UVRAG: variants seen among roughly 807,000 people sequenced by gnomAD.
UVRAG encodes the protein UV radiation resistance-associated gene protein.
UVRAG carries 19 observed loss-of-function variants against 78.0 expected under a neutral mutation model. That is an observed-to-expected ratio of 0.24 (90% CI 0.17 to 0.36). The LOEUF is 0.36. Among genes scored for constraint, UVRAG ranks in the 10% least tolerant of loss-of-function variants. The pLI is 1.00. For missense variants in UVRAG, 740 were observed against 853.8 expected (o/e 0.87, Z 1.66); for synonymous variants, 323 against 324.6 (o/e 1.00, Z 0.05).
At chr11:75,893,494 A>G (rs990484662) in intron 5 of UVRAG, among the ~76,000 whole-genome samples, 1 of 152,046 alleles carries the variant, frequency 6.6e-6, no homozygotes, top group Admixed American at 6.5e-5. Flanking sequence ...CCAGCGAGAA[A>G]GGAAATATTA....
chr11:76,063,814 A>G (rs1306354623), intron 12 of UVRAG, among the ~76,000 whole-genome samples: 1 of 152,176 alleles, frequency 6.6e-6, no homozygotes, highest in Non-Finnish European at 1.5e-5. Flanking sequence ...ATTCTCCAAT[A>G]TAAGATTTGT....
At chr11:76,070,777 A>T (rs984555839) in intron 13 of UVRAG, among the ~76,000 whole-genome samples, 2 of 152,220 alleles carry the variant, frequency 1.3e-5, no homozygotes, top group South Asian at 4.1e-4. Flanking sequence ...CGTTCCATTT[A>T]TATAAGTATC....
intron 5 of UVRAG, among the ~76,000 whole-genome samples, chr11:75,905,598 C>T (rs906578906): frequency 1.3e-5 from 2 of 152,094 alleles, no homozygotes; most frequent in African/African-American, 2.4e-5. Context: ...GGTGTTGCAT[C>T]TACATGTAGG....
At chr11:76,073,836 G>A (rs751987682) in intron 13 of UVRAG, among the ~76,000 whole-genome samples, 8 of 152,092 alleles carry the variant, frequency 5.3e-5, no homozygotes, top group Non-Finnish European at 1.0e-4. Flanking sequence ...ATCTGAAAAA[G>A]CACTTAAAAT....
chr11:76,130,262 C>T (rs1952490659), intron 14 of UVRAG, among the ~76,000 whole-genome samples: 1 of 152,180 alleles, frequency 6.6e-6, no homozygotes, highest in Non-Finnish European at 1.5e-5. Context: ...GTGTCCTCTC[C>T]TGCATAGCTT....
intron 6 of UVRAG, among the ~76,000 whole-genome samples, chr11:75,936,261 CAGTA>C (rs1948371804): frequency 6.6e-6 from 1 of 152,172 alleles, no homozygotes; most frequent in African/African-American, 2.4e-5. Context: ...ACTTTGCAAT[CAGTA>C]AGTATTTGTG....
intron 1 of UVRAG, among the ~76,000 whole-genome samples, chr11:75,820,992 C>T (rs1945374383): frequency 6.6e-6 from 1 of 152,082 alleles, no homozygotes; most frequent in South Asian, 2.1e-4. Flanking sequence ...AATATAGTGG[C>T]ATTAAAAACA....
chr11:75,896,259 A>G (rs528457684), intron 5 of UVRAG, among the ~76,000 whole-genome samples: 1 of 152,258 alleles, frequency 6.6e-6, no homozygotes, highest in South Asian at 2.1e-4. Flanking sequence ...GGGGTTTTCT[A>G]GGTGGGTTTA....
chr11:75,907,588 A>C (rs2135011010), intron 5 of UVRAG, among the ~76,000 whole-genome samples: 1 of 151,824 alleles, frequency 6.6e-6, no homozygotes, highest in East Asian at 1.9e-4. Context: ...ATCATGGCTC[A>C]CTGTACCCTC....
At chr11:76,082,322 C>T (rs1449220075) in intron 13 of UVRAG, among the ~76,000 whole-genome samples, 3 of 151,936 alleles carry the variant, frequency 2.0e-5, no homozygotes, top group Admixed American at 6.6e-5. Context: ...GGGCAGATCA[C>T]GAGGTCAGGA....
At chr11:75,940,130 A>G (rs936148218) in intron 6 of UVRAG, among the ~76,000 whole-genome samples, 7 of 152,212 alleles carry the variant, frequency 4.6e-5, no homozygotes, top group Non-Finnish European at 8.8e-5. Flanking sequence ...TACAAAGAAG[A>G]AAGAAGACAG....
chr11:75,886,142 G>A (rs902583414), intron 4 of UVRAG, among the ~76,000 whole-genome samples: 2 of 152,108 alleles, frequency 1.3e-5, no homozygotes, highest in African/African-American at 4.8e-5. Context: ...TTAGAACTCA[G>A]GTTACTTACT....
intron 6 of UVRAG, among the ~76,000 whole-genome samples, chr11:75,950,878 CTA>C (rs1184072691): frequency 6.6e-6 from 1 of 151,456 alleles, no homozygotes; most frequent in African/African-American, 2.4e-5. Flanking sequence ...AATATTTTGC[CTA>C]TTCTCAATTA....
chr11:75,956,002 T>A (rs1948789930), intron 6 of UVRAG, among the ~76,000 whole-genome samples: 1 of 152,248 alleles, frequency 6.6e-6, no homozygotes, highest in Admixed American at 6.5e-5. Context: ...TGGTTTTACC[T>A]GTTCTTGAAC....
At chr11:75,966,546 A>G (rs1949027606) in intron 7 of UVRAG, among the ~76,000 whole-genome samples, 1 of 152,166 alleles carries the variant, frequency 6.6e-6, no homozygotes, top group African/African-American at 2.4e-5. Context: ...ACATATATGT[A>G]TGAGTGGCTT....
chr11:76,110,734 T>G (rs930446180), intron 13 of UVRAG, among the ~76,000 whole-genome samples: 1 of 151,984 alleles, frequency 6.6e-6, no homozygotes. Context: ...GAGAGAGACA[T>G]AGAGACAAGA....
chr11:75,826,335 T>G (rs952526778), intron 1 of UVRAG, among the ~76,000 whole-genome samples: 1 of 151,724 alleles, frequency 6.6e-6, no homozygotes, highest in African/African-American at 2.4e-5. Context: ...TTTTGTATCT[T>G]TAGTAGAGAC....
At chr11:76,140,517 A>T (rs1217197482) in intron 14 of UVRAG, among the ~76,000 whole-genome samples, 194 bp from the exon 15 acceptor site, 1 of 152,074 alleles carries the variant, frequency 6.6e-6, no homozygotes, top group Admixed American at 6.6e-5. Flanking sequence ...GCTGGAAGGA[A>T]GCTCCCAAAG....
At chr11:76,072,404 GGTTT>G (rs1369143725) in intron 13 of UVRAG, among the ~76,000 whole-genome samples, 1 of 152,042 alleles carries the variant, frequency 6.6e-6, no homozygotes, top group Non-Finnish European at 1.5e-5. Context: ...AATGTAGAAT[GGTTT>G]GTTTGCTTTG....
Sources: gnomAD v4.1 joint callset for allele counts (sites outside exome capture counted in the v4.1 genomes callset) on GRCh38, gnomAD v4.1.1 for gene constraint, MANE v1.5 for transcripts, NCBI Gene and HGNC (gene_info 2026-07-23, HGNC 2026-07-21) for gene names.